Variants in KAT6A observed in about 807,000 individuals in gnomAD.
The protein encoded by KAT6A is lysine acetyltransferase 6A, also known as histone acetyltransferase KAT6A.
In KAT6A, 9 loss-of-function variants were observed where a neutral mutation model predicts 198.4. The observed-to-expected ratio is 0.05, with a 90% confidence interval of 0.03 to 0.08. KAT6A has a LOEUF of 0.08. KAT6A is among the 10% of genes least tolerant of loss of function. The pLI, the probability that KAT6A is intolerant of heterozygous loss-of-function variation, is 1.00. For synonymous variants in KAT6A, 890 were observed against 883.0 expected, an observed-to-expected ratio of 1.01 and a Z score of -0.14; for missense variants, 2,077 against 2,509.9, an observed-to-expected ratio of 0.83 and a Z score of 3.69.
chr8:41,952,878 T>C (rs2150869823), intron 9 of KAT6A, among the ~76,000 whole-genome samples: 1 of 152,204 alleles, frequency 6.6e-6, no homozygotes, highest in East Asian at 1.9e-4. Context: ...AGAAAAAAAG[T>C]CATAATTACT....
At chr8:41,950,883 TA>T (rs1394359888) in intron 9 of KAT6A, among the ~76,000 whole-genome samples, 1 of 152,056 alleles carries the variant, frequency 6.6e-6, no homozygotes, top group Non-Finnish European at 1.5e-5. Flanking sequence ...ATCTGTCAAT[TA>T]AAAAATCGAA....
intron 2 of KAT6A, among the ~76,000 whole-genome samples, chr8:42,037,754 T>C (rs1288244237): frequency 6.6e-6 from 1 of 152,046 alleles, no homozygotes; most frequent in African/African-American, 2.4e-5. Context: ...CTTAACAAGT[T>C]ACACCTATAA....
At chr8:42,033,652 C>T (rs895574158) in intron 2 of KAT6A, among the ~76,000 whole-genome samples, 1 of 152,120 alleles carries the variant, frequency 6.6e-6, no homozygotes, top group Non-Finnish European at 1.5e-5. Flanking sequence ...TTTTCCACCC[C>T]CTCCTCTGTG....
intron 7 of KAT6A, among the ~76,000 whole-genome samples, chr8:41,975,464 G>A (rs1436005101): frequency 1.3e-5 from 2 of 152,170 alleles, no homozygotes; most frequent in African/African-American, 4.8e-5. Context: ...TGACACTGCT[G>A]TTGGGCTCAT....
intron 2 of KAT6A, among the ~76,000 whole-genome samples, chr8:41,988,001 G>C (rs1281547555): frequency 2.0e-5 from 3 of 152,210 alleles, no homozygotes; most frequent in African/African-American, 4.8e-5. Flanking sequence ...GAGAGAAACA[G>C]TAAGTGTTTT....
rs1297465992 is a variant in KAT6A, at chr8:42,051,924, C to T, written c.-349G>A. 1 of 151,124 alleles carries T rather than the reference C, an allele frequency of 6.6e-6. No homozygotes were observed. Among genetic ancestry groups the T allele is most frequent in the Non-Finnish European group, 1.5e-5 (1 of 67,624 alleles). The allele number at this position is 151,124 out of a possible 1,614,324, so 9.4% of individuals were successfully genotyped here. A position where few individuals can be genotyped will look rare whatever the true frequency, so the allele number is the denominator to read the frequency against. ...ACCGGGAGGAAGGACAGCCGAGATC[C>T]CGGGGCCCCGGGCCGGACCGCGGAG... On this transcript the variant is annotated 5_prime_UTR_variant, in exon 1 of 17. Transcript: ENST00000265713.
At chr8:42,009,848 C>T (rs1372419283) in intron 2 of KAT6A, among the ~76,000 whole-genome samples, 4 of 128,276 alleles carry the variant, frequency 3.1e-5, no homozygotes, top group African/African-American at 1.2e-4. Flanking sequence ...TACAGTGAGC[C>T]ATGATCACAG....
chr8:41,959,618 A>G (rs1162380530), intron 8 of KAT6A, among the ~76,000 whole-genome samples: 5 of 152,238 alleles, frequency 3.3e-5, no homozygotes, highest in Non-Finnish European at 5.9e-5. Flanking sequence ...GAATGGATAA[A>G]CCAAATGTGG....
chr8:42,038,629 C>A (rs1827490443), intron 2 of KAT6A, among the ~76,000 whole-genome samples: 1 of 152,222 alleles, frequency 6.6e-6, no homozygotes, highest in Non-Finnish European at 1.5e-5. Context: ...ACACTTCAAC[C>A]TCTTTGGCTC....
chr8:42,009,696 C>T (rs185727415), intron 2 of KAT6A, among the ~76,000 whole-genome samples: 116 of 151,386 alleles, frequency 7.7e-4, no homozygotes, highest in Admixed American at 2.2e-3. Flanking sequence ...CCCAGGAGTT[C>T]AAGACCAGCC....
At chr8:42,023,946 C>T (rs1013135727) in intron 2 of KAT6A, among the ~76,000 whole-genome samples, 2 of 152,082 alleles carry the variant, frequency 1.3e-5, no homozygotes, top group African/African-American at 2.4e-5. Context: ...CCACTGTCCC[C>T]ATCTTTCCCC....
chr8:42,045,391 T>A (rs903258642), intron 2 of KAT6A, among the ~76,000 whole-genome samples: 4 of 151,804 alleles, frequency 2.6e-5, no homozygotes, highest in African/African-American at 9.7e-5. Flanking sequence ...AGAAACCCCG[T>A]CTCTACTAAA....
Position 41,942,571 on chromosome 8 carries a change from A to G in KAT6A, c.2436+222T>C, listed in dbSNP as rs556365030. On this transcript the variant is annotated intron_variant, in intron 14 of 16. Coordinates refer to ENST00000265713, the MANE Select transcript of KAT6A (RefSeq NM_006766.5). ...ATATTTTTCTCACAAGTAACACATT[A>G]TAAGAAATTTGATGGTCTCCTCCTA... 8.8e-5 allele frequency: 48 copies of G among 546,120 alleles called. No individual in the cohort carries two copies. In the East Asian group the frequency reaches 1.4e-3, roughly 16 times the overall value. 33.8% of individuals were successfully genotyped at this position (546,120 alleles called of 1,614,324 possible).
chr8:42,046,242 A>G (rs1180458791), intron 2 of KAT6A, among the ~76,000 whole-genome samples: 2 of 152,176 alleles, frequency 1.3e-5, no homozygotes, highest in Non-Finnish European at 2.9e-5. Context: ...ATTACAATAA[A>G]AGCAAACAAC....
chr8:42,019,566 G>A (rs1362696136), intron 2 of KAT6A, among the ~76,000 whole-genome samples: 3 of 152,120 alleles, frequency 2.0e-5, no homozygotes, highest in Non-Finnish European at 4.4e-5. Context: ...AAGAAACTGA[G>A]GGCAAAGAGG....
At position 41,990,146 on chromosome 8, in the gene KAT6A, A is replaced by G. The variant is rs554671557; in HGVS notation, c.601-2583T>C. On this transcript the variant is annotated intron_variant, in intron 2 of 16. Coordinates refer to ENST00000265713, the MANE Select transcript of KAT6A (RefSeq NM_006766.5). The stretch of plus-strand genomic sequence containing the variant: ...TTTATTCTGTAGCCTCTAAGGTACA[A>G]CTGGGAGATTTTAGGCAGAGGAATA... Among the ~76,000 whole-genome samples, 5 of 152,282 alleles carry G rather than the reference A, an allele frequency of 3.3e-5. No individual in the cohort carries two copies. In the East Asian group the frequency reaches 9.6e-4, roughly 29 times the overall value.
chr8:42,050,559 G>C (rs1451534422), intron 1 of KAT6A, among the ~76,000 whole-genome samples: 2 of 152,158 alleles, frequency 1.3e-5, no homozygotes, highest in African/African-American at 4.8e-5. Context: ...AGAAAAGAGT[G>C]AAGCAAACAT....
intron 2 of KAT6A, among the ~76,000 whole-genome samples, chr8:42,031,025 G>C (rs1191587433): frequency 1.9e-5 from 1 of 51,444 alleles, no homozygotes; most frequent in Non-Finnish European, 3.1e-5. Flanking sequence ...GCTGCCAAAT[G>C]CAAAAAAAAA....
At chr8:41,965,763 A>G (rs769833665) in intron 8 of KAT6A, among the ~76,000 whole-genome samples, 34 of 152,146 alleles carry the variant, frequency 2.2e-4, no homozygotes, top group Non-Finnish European at 4.1e-4. Context: ...TGCATTTTGG[A>G]GCATTTTGAA....
Sources: gnomAD v4.1 joint callset for allele counts (sites outside exome capture counted in the v4.1 genomes callset) on GRCh38, gnomAD v4.1.1 for gene constraint, MANE v1.5 for transcripts, NCBI Gene and HGNC (gene_info 2026-07-23, HGNC 2026-07-21) for gene names.